The following STK32C variants were observed in gnomAD, a reference collection of about 807,000 sequenced individuals.
STK32C encodes serine/threonine-protein kinase 32C.
A neutral mutation model predicts 56.5 loss-of-function variants in STK32C; 31 were observed. That is an observed-to-expected ratio of 0.55 (90% confidence interval 0.41 to 0.74). STK32C has a LOEUF of 0.74. Ranked by LOEUF, STK32C falls within the 30% of genes least tolerant of loss-of-function variation. The probability of loss-of-function intolerance (pLI) is 0.00; values close to 1 mark genes in which losing one functional copy is unlikely to be tolerated. For synonymous variants in STK32C, 309 were observed against 289.4 expected (o/e 1.07, Z -0.69); for missense variants, 544 against 676.9 (o/e 0.80, Z 2.18).
At chr10:132,258,639 G>A (rs4540770) in intron 1 of STK32C, among the ~76,000 whole-genome samples, 95 of 152,358 alleles carry the variant, frequency 6.2e-4, no homozygotes, top group African/African-American at 2.0e-3. Context: ...GCTCACAGCC[G>A]GTCCTCTGGG....
rs7905338 is a variant in STK32C at position 132,213,883 on chromosome 10, T to G, written c.1252-4782A>C. ...ACTGTAACAGAAATGAGGATGCCTT[T>G]GATGGTTCCTCAGTAGACTGGATCC... On this transcript the variant is annotated intron_variant, in intron 10 of 11. Transcript: ENST00000298630. Among the ~76,000 whole-genome samples, 706 of 152,252 alleles carry G rather than the reference T, an allele frequency of 4.6e-3. 4 individuals are homozygous for G. Among genetic ancestry groups the G allele is most frequent in the African/African-American group, 0.016 (661 of 41,538 alleles).
intron 1 of STK32C, among the ~76,000 whole-genome samples, chr10:132,262,481 A>G (rs1354444745): frequency 6.6e-6 from 1 of 152,240 alleles, no homozygotes; most frequent in African/African-American, 2.4e-5. Flanking sequence ...AAGAGAAACC[A>G]TCAACAGAAG....
chr10:132,330,498 T>C (rs757418854), intron 1 of STK32C: 5 of 716,942 alleles, frequency 7.0e-6, no homozygotes, highest in African/African-American at 1.7e-5. Flanking sequence ...GATTGGTAGA[T>C]AGTTGGGTAT....
intron 1 of STK32C, among the ~76,000 whole-genome samples, chr10:132,305,706 A>G (rs1048473197): frequency 1.4e-4 from 21 of 152,190 alleles, no homozygotes; most frequent in Non-Finnish European, 2.9e-4. Context: ...GGTGCAGAAC[A>G]TTCTTCTGCA....
At chr10:132,277,260 G>A (rs967951334) in intron 1 of STK32C, among the ~76,000 whole-genome samples, 6 of 152,124 alleles carry the variant, frequency 3.9e-5, no homozygotes, top group East Asian at 1.9e-4. Context: ...CACGAGAGCC[G>A]CTGGAGAGAG....
At chr10:132,311,937 GC>G (rs879707113), upstream of STK32C, among the ~76,000 whole-genome samples, 14 of 152,208 alleles carry the variant, frequency 9.2e-5, no homozygotes, top group Non-Finnish European at 1.8e-4. The surrounding 1 kb of genome is among the most constrained non-coding windows in gnomAD (Gnocchi z 4.4). Context: ...TCCATGGGCA[GC>G]ATGGATTCAC....
At chr10:132,212,251 C>T (rs551570727) in intron 10 of STK32C, among the ~76,000 whole-genome samples, 21 of 152,260 alleles carry the variant, frequency 1.4e-4, no homozygotes, top group African/African-American at 5.1e-4. Flanking sequence ...GCAGGGCAGA[C>T]GTCTGGACCA....
chr10:132,253,987 A>G (rs2138011718), intron 1 of STK32C, among the ~76,000 whole-genome samples: 1 of 152,346 alleles, frequency 6.6e-6, no homozygotes. Context: ...AGGAAAGCCC[A>G]AAGCCTCAGT....
At chr10:132,220,186 T>C (rs546517265) in intron 10 of STK32C, among the ~76,000 whole-genome samples, 1 of 152,304 alleles carries the variant, frequency 6.6e-6, no homozygotes, top group South Asian at 2.1e-4. Context: ...CTAAATCCAA[T>C]GCCTGGTGTC....
Position 132,225,275 on chromosome 10 carries a change from C to G in STK32C, c.834G>C (p.Trp278Cys). ...GGTGYSFEVD[W>C]WSVGVMAYEL... ...CATAGGCCATCACCCCCACCGACCA[C>G]CAGTCCACCTCGAAGGAGTAGCCGG... Residue 278 changes from tryptophan to cysteine, a missense_variant, in exon 7 of 12, where the codon TGG (tryptophan) becomes TGC (cysteine). Around this residue, in one of 3 missense-constraint regions of STK32C, gnomAD observed 277 missense variants for 309.3 expected, o/e 0.90. Transcript: ENST00000298630. 3.7e-6 allele frequency: 6 copies of G among 1,611,520 alleles called. No individual in the cohort carries two copies. Among genetic ancestry groups the G allele is most frequent in the Non-Finnish European group, 5.1e-6 (6 of 1,179,160 alleles).
rs114725017 is a variant in STK32C at position 132,282,371 on chromosome 10, A to G, written c.262+25201T>C. On this transcript the variant is annotated intron_variant, in intron 1 of 11. Transcript: ENST00000298630. ...AGACAGCTCCTGGGTGGTTTCCTGC[A>G]GTTTTCTGGTGGCTGATGAAGAGGG... 2.1e-3 allele frequency among the ~76,000 whole-genome samples: 319 copies of G among 152,324 alleles called. 1 individual carries two copies. Among genetic ancestry groups the G allele is most frequent in the African/African-American group, 7.5e-3 (312 of 41,564 alleles).
chr10:132,239,097 G>C (rs1461628760), intron 2 of STK32C, among the ~76,000 whole-genome samples: 1 of 152,160 alleles, frequency 6.6e-6, no homozygotes, highest in Admixed American at 6.5e-5. Context: ...AGCCAGACAG[G>C]GTCTGCAGTG....
chr10:132,261,145 G>A (rs751191410), intron 1 of STK32C, among the ~76,000 whole-genome samples: 1 of 152,224 alleles, frequency 6.6e-6, no homozygotes, highest in Non-Finnish European at 1.5e-5. Flanking sequence ...CTTCCCATGC[G>A]GAGGACTCGG....
At chr10:132,222,615 C>CGCCCTGAGCCT in intron 10 of STK32C, 26 bp downstream of exon 10, 1 of 1,609,078 alleles carries the variant, frequency 6.2e-7, no homozygotes, top group Non-Finnish European at 8.5e-7. Flanking sequence ...CCCGCCGCCG[C>CGCCCTGAGCCT]GCCCTGAGCC....
rs536455160 is a variant in STK32C at position 132,222,618 on chromosome 10, CCT to C, written c.1251+21_1251+22del. ...CCCCAAGCCCAGCCCGCCGCCGCGCCCTGAGCCTGCCCTGGCACTCACGGACT... is the reference window on the plus strand; with the variant it reads ...CCCCAAGCCCAGCCCGCCGCCGCGCCGAGCCTGCCCTGGCACTCACGGACT... On this transcript the variant is annotated intron_variant, in intron 10 of 11. Coordinates refer to ENST00000298630, the MANE Select transcript of STK32C (RefSeq NM_173575.4). 1.9e-4 allele frequency: 299 copies of C among 1,610,262 alleles called. No homozygotes were observed. The East Asian group carries it at 5.1e-3, about 27-fold the overall frequency.
At chr10:132,290,032 T>C (rs914005024) in intron 1 of STK32C, among the ~76,000 whole-genome samples, 6 of 152,240 alleles carry the variant, frequency 3.9e-5, no homozygotes, top group African/African-American at 1.4e-4. Context: ...GAAAACCGTA[T>C]GGTCATCCAA....
intron 2 of STK32C, among the ~76,000 whole-genome samples, chr10:132,231,810 G>A (rs538177874): frequency 6.6e-6 from 1 of 152,334 alleles, no homozygotes; most frequent in South Asian, 2.1e-4. Context: ...CCTGGGAATG[G>A]AGTGACATGG....
chr10:132,220,277 G>A (rs1242045102), intron 10 of STK32C, among the ~76,000 whole-genome samples: 9 of 152,358 alleles, frequency 5.9e-5, no homozygotes, highest in Admixed American at 2.0e-4. Flanking sequence ...GGGGGGATGC[G>A]TCTAGGCCAA....
chr10:132,319,810 GT>G (rs994179539), downstream of STK32C, among the ~76,000 whole-genome samples: 6 of 151,028 alleles, frequency 4.0e-5, no homozygotes, highest in Admixed American at 6.6e-5. Flanking sequence ...GTAGCCAAGG[GT>G]TTTTTTTTCC....
Sources: gnomAD v4.1 joint callset for allele counts (sites outside exome capture counted in the v4.1 genomes callset) on GRCh38, gnomAD v4.1.1 for gene constraint, gnomAD v4.1.1 regional missense constraint, Gnocchi (gnomAD v3.1) non-coding constraint, MANE v1.5 for transcripts, NCBI Gene and HGNC (gene_info 2026-07-23, HGNC 2026-07-21) for gene names.